The following SERGEF variants were observed in gnomAD, a reference collection of about 807,000 sequenced individuals.
SERGEF encodes the protein secretion regulating guanine nucleotide exchange factor.
SERGEF carries 51 observed loss-of-function variants against 50.0 expected under a neutral mutation model. The ratio of observed to expected loss-of-function variants is 1.02; its 90% confidence interval spans 0.81 to 1.29. The LOEUF (loss-of-function observed/expected upper bound fraction) is 1.29, where lower values mean the gene tolerates loss of function less well. Ranked by LOEUF, SERGEF falls within the 50% of genes most tolerant of loss-of-function variation. The pLI, the probability that SERGEF is intolerant of heterozygous loss-of-function variation, is 0.00. For synonymous variants in SERGEF, 205 were observed against 212.4 expected (o/e 0.97, Z 0.30); for missense variants, 521 against 557.0 (o/e 0.94, Z 0.65).
chr11:17,893,196 C>T (rs1205043073), intron 9 of SERGEF, among the ~76,000 whole-genome samples: 1 of 152,032 alleles, frequency 6.6e-6, no homozygotes, highest in African/African-American at 2.4e-5. Flanking sequence ...ACAAAATAGC[C>T]CTAAAAGTAG....
At chr11:17,876,784 C>T (rs1590171383) in intron 10 of SERGEF, among the ~76,000 whole-genome samples, 1 of 152,270 alleles carries the variant, frequency 6.6e-6, no homozygotes, top group Admixed American at 6.5e-5. Context: ...GCCAGCCTCT[C>T]CCAGTCCAGT....
At chr11:17,829,490 A>T (rs892806663) in intron 10 of SERGEF, among the ~76,000 whole-genome samples, 1 of 152,188 alleles carries the variant, frequency 6.6e-6, no homozygotes, top group East Asian at 1.9e-4. Flanking sequence ...TTCATTAACC[A>T]TTATCGTTTT....
intron 10 of SERGEF, among the ~76,000 whole-genome samples, chr11:17,841,090 AACC>A (rs1277535077): frequency 2.0e-5 from 3 of 152,198 alleles, no homozygotes; most frequent in African/African-American, 7.2e-5. Flanking sequence ...AAGGAAATAG[AACC>A]ACAAGGGTGG....
intron 1 of SERGEF, among the ~76,000 whole-genome samples, chr11:18,011,069 A>G (rs912072206): frequency 6.6e-6 from 1 of 151,894 alleles, no homozygotes; most frequent in African/African-American, 2.4e-5. Flanking sequence ...AACACAACCT[A>G]TTACAACTGT....
At chr11:17,881,724 T>C (rs566376592) in intron 9 of SERGEF, among the ~76,000 whole-genome samples, 1 of 152,200 alleles carries the variant, frequency 6.6e-6, no homozygotes, top group African/African-American at 2.4e-5. Flanking sequence ...TGTTCTGAGG[T>C]GTAAAAAGTA....
intron 8 of SERGEF, among the ~76,000 whole-genome samples, chr11:17,963,905 A>C (rs1297486266): frequency 6.6e-6 from 1 of 152,188 alleles, no homozygotes; most frequent in African/African-American, 2.4e-5. Context: ...GCAAGTGAAA[A>C]GAGAAGAAAA....
chr11:17,987,577 T>C (rs895070043), intron 8 of SERGEF, among the ~76,000 whole-genome samples: 5 of 152,238 alleles, frequency 3.3e-5, no homozygotes, highest in Non-Finnish European at 5.9e-5. Context: ...AAGTTTATTA[T>C]ACACCTTTGT....
intron 9 of SERGEF, among the ~76,000 whole-genome samples, chr11:17,911,859 C>T (rs1409348763): frequency 6.6e-6 from 1 of 152,022 alleles, no homozygotes; most frequent in Non-Finnish European, 1.5e-5. Flanking sequence ...CTCGTACAGC[C>T]CTGAGCAGTT....
chr11:17,878,150 C>T, intron 10 of SERGEF, 58 bp downstream of exon 10: 1 of 1,303,158 alleles, frequency 7.7e-7, no homozygotes, highest in South Asian at 1.3e-5. Flanking sequence ...CAAAAGTCTT[C>T]TCCAATTCTG....
chr11:17,943,895 C>T (rs145330917), intron 9 of SERGEF, among the ~76,000 whole-genome samples: 23 of 152,144 alleles, frequency 1.5e-4, no homozygotes, highest in African/African-American at 4.8e-4. Context: ...TAGCTTTGCT[C>T]GCTATATCCC....
At chr11:17,883,672 G>T (rs752144091) in intron 9 of SERGEF, among the ~76,000 whole-genome samples, 2 of 152,092 alleles carry the variant, frequency 1.3e-5, no homozygotes, top group Non-Finnish European at 2.9e-5. Flanking sequence ...ATATTAGATG[G>T]AAATAAACCA....
At chr11:18,012,366 C>G in intron 1 of SERGEF, 1 of 453,478 alleles carries the variant, frequency 2.2e-6, no homozygotes, top group Non-Finnish European at 3.0e-6. Flanking sequence ...ATCAAGATGA[C>G]CCTGTCTCTC....
rs539113244 is a variant in SERGEF at position 18,012,771 on chromosome 11, C to G, written c.60+180G>C. 312 of 1,395,884 alleles carry G rather than the reference C, an allele frequency of 2.2e-4. No individual in the cohort carries two copies. In the African/African-American group the frequency reaches 4.2e-3, roughly 19 times the overall value. The allele number at this position is 1,395,884 out of a possible 1,614,324, so 86.5% of individuals were successfully genotyped here. On this transcript the variant is annotated intron_variant, in intron 1 of 10. Coordinates refer to ENST00000265965, the MANE Select transcript of SERGEF (RefSeq NM_012139.4). ...CCCTAAGTCGACCGCGAAGACCCTT[C>G]CTTCCCCGCCCGCCCGCTCCTCCTC... is the stretch of plus-strand genomic sequence containing the variant.
chr11:17,909,982 G>A (rs1489917431), intron 9 of SERGEF, among the ~76,000 whole-genome samples: 1 of 152,132 alleles, frequency 6.6e-6, no homozygotes, highest in Non-Finnish European at 1.5e-5. Context: ...TCTTTGTCTA[G>A]TTCCCTATCT....
At chr11:17,970,709 C>T (rs1853229760) in intron 8 of SERGEF, among the ~76,000 whole-genome samples, 1 of 152,152 alleles carries the variant, frequency 6.6e-6, no homozygotes, top group South Asian at 2.1e-4. Flanking sequence ...AGCAAAATGG[C>T]CTTTTTGCTG....
intron 4 of SERGEF, 185 bp from the exon 5 acceptor site, chr11:18,000,742 C>A: frequency 1.4e-6 from 1 of 695,754 alleles, no homozygotes; most frequent in Non-Finnish European, 2.7e-6. Flanking sequence ...AAAAATATAT[C>A]TTTTAAAATA....
At chr11:17,917,509 C>T (rs909515251) in intron 9 of SERGEF, among the ~76,000 whole-genome samples, 3 of 152,078 alleles carry the variant, frequency 2.0e-5, no homozygotes, top group African/African-American at 4.8e-5. Context: ...ACACAATCAC[C>T]GCTAAAGAAC....
At chr11:17,981,500 T>C (rs550455858) in intron 8 of SERGEF, among the ~76,000 whole-genome samples, 1 of 152,332 alleles carries the variant, frequency 6.6e-6, no homozygotes, top group East Asian at 1.9e-4. Context: ...CCCTTCTGTG[T>C]GAAACAGGGC....
At chr11:17,875,393 C>T (rs555134013) in intron 10 of SERGEF, among the ~76,000 whole-genome samples, 2 of 152,312 alleles carry the variant, frequency 1.3e-5, no homozygotes, top group African/African-American at 4.8e-5. Context: ...ACTGGCATCA[C>T]CTGGGATTAG....
Sources: allele counts gnomAD v4.1 joint callset (sites outside exome capture counted in the v4.1 genomes callset), GRCh38; gene constraint gnomAD v4.1.1; transcripts MANE v1.5; gene names NCBI Gene and HGNC (gene_info 2026-07-23, HGNC 2026-07-21).